SPAG16: variants seen among roughly 807,000 people sequenced by gnomAD.
SPAG16 encodes the protein sperm-associated antigen 16 protein.
A neutral mutation model predicts 80.4 loss-of-function variants in SPAG16; 86 were observed. The ratio of observed to expected loss-of-function variants is 1.07; its 90% CI spans 0.90 to 1.28. The LOEUF is 1.28. Ranked by LOEUF, SPAG16 falls within the 50% of genes most tolerant of loss-of-function variation. The probability of loss-of-function intolerance (pLI) is 0.00; values close to 1 mark genes in which losing one functional copy is unlikely to be tolerated. For synonymous variants in SPAG16, 294 were observed against 265.9 expected (o/e 1.11, Z -1.03); for missense variants, 870 against 765.3 (o/e 1.14, Z -1.61).
intron 10 of SPAG16, among the ~76,000 whole-genome samples, chr2:213,813,149 C>A (rs566834887): frequency 6.6e-6 from 1 of 152,098 alleles, no homozygotes; most frequent in East Asian, 1.9e-4. Context: ...TTTTCTGAAC[C>A]CCTCAGAGAA....
At chr2:214,180,015 T>C (rs2057261124) in intron 15 of SPAG16, among the ~76,000 whole-genome samples, 1 of 151,542 alleles carries the variant, frequency 6.6e-6, no homozygotes, top group African/African-American at 2.4e-5. Flanking sequence ...CTTAGATAAA[T>C]AGTATGGGTA....
At chr2:214,040,605 C>T (rs2048954983) in intron 13 of SPAG16, among the ~76,000 whole-genome samples, 1 of 152,134 alleles carries the variant, frequency 6.6e-6, no homozygotes, top group Non-Finnish European at 1.5e-5. Context: ...CATCCATGTC[C>T]CTGCAGAGGA....
chr2:213,910,861 A>G (rs991230997), intron 11 of SPAG16, among the ~76,000 whole-genome samples: 5 of 152,202 alleles, frequency 3.3e-5, no homozygotes, highest in Non-Finnish European at 5.9e-5. Flanking sequence ...CATATTTCCA[A>G]ATAAAGACAG....
At chr2:213,326,139 A>G (rs1449238338) in intron 5 of SPAG16, among the ~76,000 whole-genome samples, 2 of 152,068 alleles carry the variant, frequency 1.3e-5, no homozygotes, top group Admixed American at 6.5e-5. Context: ...GAAGAAAATA[A>G]TACTGATTGG....
intron 5 of SPAG16, chr2:213,317,600 A>G (rs2063453377): frequency 1.8e-6 from 2 of 1,137,528 alleles, no homozygotes; most frequent in Non-Finnish European, 2.2e-6. Context: ...CATTTTTTAT[A>G]TAACATTCAC....
intron 15 of SPAG16, among the ~76,000 whole-genome samples, chr2:214,167,886 GT>G (rs1399102835): frequency 6.6e-6 from 1 of 151,152 alleles, no homozygotes; most frequent in Admixed American, 6.6e-5. Flanking sequence ...ACACTGACTG[GT>G]TTTGAATCTA....
chr2:214,014,111 T>C, intron 13 of SPAG16, 34 bp downstream of exon 13: 1 of 1,607,792 alleles, frequency 6.2e-7, no homozygotes, highest in Non-Finnish European at 8.5e-7. Context: ...TCCCAGCTTT[T>C]GATAAGTCTG....
At chr2:213,833,565 TAATATATATATA>T (rs2073902980) in intron 10 of SPAG16, among the ~76,000 whole-genome samples, 1 of 22,838 alleles carries the variant, frequency 4.4e-5, no homozygotes, top group South Asian at 1.5e-3. Context: ...ATAATATATA[TAATATATATATA>T]ATATATATAT....
chr2:213,772,491 T>G (rs1312120018), intron 10 of SPAG16, among the ~76,000 whole-genome samples: 2 of 152,176 alleles, frequency 1.3e-5, no homozygotes, highest in African/African-American at 4.8e-5. Flanking sequence ...GCCTAGAAGT[T>G]TTTTAATTTT....
rs769422203 is a variant in SPAG16, at chr2:213,862,676, G to C, written c.1214+48G>C. 6.9e-6 allele frequency: 11 copies of C among 1,597,412 alleles called. No individual in the cohort carries two copies. In the South Asian group the frequency reaches 1.2e-4, roughly 18 times the overall value. On this transcript the variant is annotated intron_variant, in intron 11 of 15. Transcript: ENST00000331683. ...AATAGCCTAATCTCTCTAGGAATGT[G>C]CTCCTTTACTCTGTCTGCTCACTCT... is the stretch of plus-strand genomic sequence containing the variant.
intron 15 of SPAG16, among the ~76,000 whole-genome samples, chr2:214,321,215 A>G (rs2125994197): frequency 6.6e-6 from 1 of 152,340 alleles, no homozygotes; most frequent in South Asian, 2.1e-4. Context: ...TGATTAAAAT[A>G]ATTTCACATA....
At chr2:213,624,952 A>C (rs1574539396) in intron 10 of SPAG16, among the ~76,000 whole-genome samples, 2 of 152,112 alleles carry the variant, frequency 1.3e-5, no homozygotes, top group South Asian at 4.1e-4. Context: ...CACCATGCCC[A>C]GCTAATTTTT....
intron 10 of SPAG16, among the ~76,000 whole-genome samples, chr2:213,493,627 G>T (rs999661690): frequency 2.0e-5 from 3 of 152,082 alleles, no homozygotes; most frequent in African/African-American, 7.2e-5. Context: ...CCAGACTGGA[G>T]CGCAGTGGTG....
chr2:214,338,979 G>C (rs1286333954), intron 15 of SPAG16, among the ~76,000 whole-genome samples: 1 of 152,048 alleles, frequency 6.6e-6, no homozygotes, highest in Non-Finnish European at 1.5e-5. Context: ...CTTCATTTTT[G>C]ATATTTATAA....
intron 3 of SPAG16, among the ~76,000 whole-genome samples, chr2:213,300,578 TC>T (rs2062699700): frequency 6.6e-6 from 1 of 152,204 alleles, no homozygotes; most frequent in African/African-American, 2.4e-5. Flanking sequence ...ATCTAGCTGT[TC>T]CTCTAAATAC....
intron 10 of SPAG16, among the ~76,000 whole-genome samples, chr2:213,801,944 A>G (rs2071434958): frequency 6.6e-6 from 1 of 152,216 alleles, no homozygotes; most frequent in Admixed American, 6.5e-5. Flanking sequence ...ACGCCAAGTC[A>G]CATTATAAGT....
intron 10 of SPAG16, among the ~76,000 whole-genome samples, chr2:213,518,304 T>C (rs1167936443): frequency 6.6e-6 from 1 of 152,200 alleles, no homozygotes; most frequent in Non-Finnish European, 1.5e-5. Context: ...TCTCACTCTG[T>C]TACCCATGCT....
chr2:213,864,408 TA>T (rs2075603588), intron 11 of SPAG16, among the ~76,000 whole-genome samples: 2 of 152,094 alleles, frequency 1.3e-5, no homozygotes, highest in Non-Finnish European at 2.9e-5. Context: ...AAATCAAACC[TA>T]AAATAAGTTT....
chr2:213,807,855 G>C (rs1465881153), intron 10 of SPAG16, among the ~76,000 whole-genome samples: 1 of 152,124 alleles, frequency 6.6e-6, no homozygotes, highest in South Asian at 2.1e-4. Context: ...GAAGATTCTT[G>C]GTTTACACTG....
Sources: allele counts gnomAD v4.1 joint callset (sites outside exome capture counted in the v4.1 genomes callset), GRCh38; gene constraint gnomAD v4.1.1; transcripts MANE v1.5; gene names NCBI Gene and HGNC (gene_info 2026-07-23, HGNC 2026-07-21).